The following BANK1 variants were observed in gnomAD, a reference collection of about 807,000 sequenced individuals.
BANK1 encodes the protein B cell scaffold protein with ankyrin repeats 1.
Under a neutral mutation model 94.5 loss-of-function variants are expected in BANK1, and 95 were observed. That is an observed-to-expected ratio of 1.00 (90% CI 0.85 to 1.19). BANK1 has a LOEUF of 1.19. Among genes scored for constraint, BANK1 ranks in the 50% most tolerant of loss-of-function variants. The pLI is 0.00. For missense variants in BANK1, 987 were observed against 932.2 expected, an observed-to-expected ratio of 1.06 and a Z score of -0.77; for synonymous variants, 334 against 308.4, an observed-to-expected ratio of 1.08 and a Z score of -0.87.
At chr4:102,043,526 C>T (rs75738090) in intron 10 of BANK1, among the ~76,000 whole-genome samples, 3 of 151,894 alleles carry the variant, frequency 2.0e-5, no homozygotes, top group East Asian at 1.9e-4. Flanking sequence ...TAACATTTAT[C>T]GCTTTTAACA....
intron 7 of BANK1, among the ~76,000 whole-genome samples, chr4:102,016,731 C>T (rs1245819585): frequency 6.6e-6 from 1 of 152,218 alleles, no homozygotes; most frequent in African/African-American, 2.4e-5. Context: ...ATTTTTCTGA[C>T]ATATCTCCCT....
At chr4:101,873,289 G>GT (rs1380989090) in intron 5 of BANK1, among the ~76,000 whole-genome samples, 2 of 152,252 alleles carry the variant, frequency 1.3e-5, no homozygotes, top group Non-Finnish European at 2.9e-5. Flanking sequence ...ATGTTATATT[G>GT]TAAGAACTTT....
chr4:102,007,298 A>T (rs1185334511), intron 7 of BANK1, among the ~76,000 whole-genome samples: 1 of 150,412 alleles, frequency 6.6e-6, no homozygotes, highest in Admixed American at 6.7e-5. Context: ...AGCACAGATC[A>T]ACAACTCTGT....
chr4:101,844,106 G>A (rs1338239929), intron 2 of BANK1, among the ~76,000 whole-genome samples: 1 of 152,120 alleles, frequency 6.6e-6, no homozygotes, highest in Non-Finnish European at 1.5e-5. Flanking sequence ...AGTTGAGGTA[G>A]ATGTAAAGAT....
chr4:101,846,478 C>T (rs1727250328), intron 2 of BANK1, among the ~76,000 whole-genome samples: 1 of 152,130 alleles, frequency 6.6e-6, no homozygotes, highest in African/African-American at 2.4e-5. Flanking sequence ...CTATAAAGAA[C>T]ACTCAAGACT....
intron 3 of BANK1, among the ~76,000 whole-genome samples, chr4:101,858,583 T>G (rs1727763304): frequency 6.6e-6 from 1 of 152,178 alleles, no homozygotes; most frequent in Non-Finnish European, 1.5e-5. Context: ...TCCCCAAATC[T>G]CTTACTTCCT....
At position 102,072,478 on chromosome 4, in the gene BANK1, C is replaced by T. The variant is rs907914870; in HGVS notation, c.2298+78C>T. 5 of 1,091,994 alleles carry T rather than the reference C, an allele frequency of 4.6e-6. No individual in the cohort carries two copies. The African/African-American group carries it at 8.0e-5, about 17-fold the overall frequency. 67.6% of individuals were successfully genotyped at this position (1,091,994 alleles called of 1,614,324 possible). A position where few individuals can be genotyped will look rare whatever the true frequency, so the allele number is the denominator to read the frequency against. On this transcript the variant is annotated intron_variant, in intron 15 of 16. Transcript: ENST00000322953. Reference sequence around the variant, plus strand: ...AAAAAGAACATGAGAGCCTTCTATCCTGTCTATGCTTTTAGACATTCTAAC... The same window carrying T: ...AAAAAGAACATGAGAGCCTTCTATCTTGTCTATGCTTTTAGACATTCTAAC...
rs188816285 is a variant in BANK1 at position 101,975,211 on chromosome 4, T to C, written c.1207-46303T>C. 2.6e-5 allele frequency among the ~76,000 whole-genome samples: 4 copies of C among 152,290 alleles called. No individual in the cohort carries two copies. The East Asian group carries it at 5.8e-4, about 22-fold the overall frequency. On this transcript the variant is annotated intron_variant, in intron 7 of 16. Transcript: ENST00000322953. ...TTCATCTAAGCTTGTTTTAAATAAA[T>C]CATATAAGCAGATTTGGAGATAACA... is the stretch of plus-strand genomic sequence containing the variant.
chr4:101,907,642 A>T (rs945023215), intron 6 of BANK1, among the ~76,000 whole-genome samples: 1 of 152,222 alleles, frequency 6.6e-6, no homozygotes, highest in African/African-American at 2.4e-5. Flanking sequence ...ACATGATTGT[A>T]TATTTAGAAA....
intron 8 of BANK1, 150 bp from the exon 9 acceptor site, chr4:102,025,051 C>T: frequency 1.2e-6 from 1 of 805,588 alleles, no homozygotes; most frequent in African/African-American, 1.7e-5. Context: ...AATGACTGTT[C>T]ACTAAAAGTT....
chr4:101,872,578 T>G (rs1728332927), intron 5 of BANK1, among the ~76,000 whole-genome samples: 1 of 152,166 alleles, frequency 6.6e-6, no homozygotes, highest in Admixed American at 6.5e-5. Context: ...CATGGTGTAT[T>G]TTAGATTTGT....
At chr4:101,938,304 G>A (rs898944947) in intron 7 of BANK1, among the ~76,000 whole-genome samples, 1 of 151,528 alleles carries the variant, frequency 6.6e-6, no homozygotes, top group East Asian at 2.0e-4. Flanking sequence ...GACTGGAAAA[G>A]GTAGTGAGGA....
intron 11 of BANK1, among the ~76,000 whole-genome samples, chr4:102,048,353 A>G (rs1727949036): frequency 6.6e-6 from 1 of 152,194 alleles, no homozygotes; most frequent in African/African-American, 2.4e-5. Flanking sequence ...ACTTAGTAAT[A>G]AAAGAATTAA....
At chr4:102,044,956 C>T (rs1210206354) in intron 11 of BANK1, among the ~76,000 whole-genome samples, 38 of 142,572 alleles carry the variant, frequency 2.7e-4, no homozygotes, top group Admixed American at 8.6e-4. Flanking sequence ...GAGTAGGTTG[C>T]GAAAATTTTC....
intron 1 of BANK1, among the ~76,000 whole-genome samples, chr4:101,794,901 C>A (rs1725102408): frequency 6.6e-6 from 1 of 151,988 alleles, no homozygotes; most frequent in South Asian, 2.1e-4. Flanking sequence ...TATGTTTCAT[C>A]ATACTATGTG....
chr4:101,897,601 C>T (rs1242091867), intron 6 of BANK1, among the ~76,000 whole-genome samples: 2 of 152,010 alleles, frequency 1.3e-5, no homozygotes, highest in Non-Finnish European at 2.9e-5. Context: ...TGCTGCTACA[C>T]CTCATACCTC....
chr4:102,070,561 A>T (rs72688507), intron 13 of BANK1, among the ~76,000 whole-genome samples: 1 of 152,200 alleles, frequency 6.6e-6, no homozygotes, highest in East Asian at 1.9e-4. Flanking sequence ...CCTGTGATCA[A>T]TTATCACTTT....
chr4:101,982,034 C>T (rs913205142), intron 7 of BANK1: 1 of 152,186 alleles, frequency 6.6e-6, no homozygotes, highest in Non-Finnish European at 1.5e-5. Flanking sequence ...AGGCTTTAAC[C>T]CCCTGGATGG....
At position 101,922,344 on chromosome 4, in the gene BANK1, A is replaced by G. The variant is rs548689530; in HGVS notation, c.1206+4155A>G. The stretch of plus-strand genomic sequence containing the variant: ...ACAAGTAGATTGTTCCATTTAATTC[A>G]GTATATATCCATGTTATATAATTTA... On this transcript the variant is annotated intron_variant, in intron 7 of 16. Transcript: ENST00000322953. Among the ~76,000 whole-genome samples the G allele has an allele frequency of 4.6e-5, 7 of 151,912 alleles. No homozygotes were observed. The East Asian group carries it at 7.8e-4, about 17-fold the overall frequency.
Sources: gnomAD v4.1 joint callset for allele counts (sites outside exome capture counted in the v4.1 genomes callset) on GRCh38, gnomAD v4.1.1 for gene constraint, MANE v1.5 for transcripts, NCBI Gene and HGNC (gene_info 2026-07-23, HGNC 2026-07-21) for gene names.